SNTG1: variants seen among roughly 807,000 people sequenced by gnomAD.
SNTG1 encodes the protein gamma-1-syntrophin.
In SNTG1, 39 loss-of-function variants were observed where a neutral mutation model predicts 74.7. That is an observed-to-expected ratio of 0.52 (90% CI 0.40 to 0.68). SNTG1 has a LOEUF of 0.68. Among genes scored for constraint, SNTG1 ranks in the 30% least tolerant of loss-of-function variants. SNTG1 has a pLI of 0.00. For synonymous variants in SNTG1, 254 were observed against 217.1 expected (o/e 1.17, Z -1.49); for missense variants, 685 against 609.5 (o/e 1.12, Z -1.30).
intron 1 of SNTG1, among the ~76,000 whole-genome samples, chr8:49,944,881 G>T (rs114570909): frequency 9.9e-5 from 15 of 151,428 alleles, no homozygotes; most frequent in African/African-American, 3.6e-4. Context: ...TTCATCTCCC[G>T]GGCTCAAGCG....
chr8:50,577,340 A>G (rs926126706), intron 12 of SNTG1, among the ~76,000 whole-genome samples: 5 of 152,102 alleles, frequency 3.3e-5, no homozygotes, highest in African/African-American at 9.7e-5. Flanking sequence ...ATAATTGTAT[A>G]TAATCTTTTT....
chr8:50,763,074 C>T (rs906230264), intron 18 of SNTG1, among the ~76,000 whole-genome samples: 3 of 151,872 alleles, frequency 2.0e-5, no homozygotes, highest in Non-Finnish European at 4.4e-5. Flanking sequence ...CTTCAGGCTT[C>T]CCCACCTCAG....
chr8:49,939,617 T>G (rs1156906226), intron 1 of SNTG1, among the ~76,000 whole-genome samples: 1 of 152,220 alleles, frequency 6.6e-6, no homozygotes, highest in Non-Finnish European at 1.5e-5. Flanking sequence ...ATTTTGTATG[T>G]CAAATTCCTG....
At chr8:50,564,560 C>A (rs1173024876) in intron 12 of SNTG1, among the ~76,000 whole-genome samples, 2 of 152,008 alleles carry the variant, frequency 1.3e-5, no homozygotes, top group African/African-American at 4.8e-5. Context: ...GATGAAAGCC[C>A]CTCCCTCCCA....
chr8:50,553,294 A>G, intron 12 of SNTG1, 115 bp downstream of exon 12: 1 of 1,329,196 alleles, frequency 7.5e-7, no homozygotes, highest in Non-Finnish European at 1.0e-6. Flanking sequence ...TGAGACATTC[A>G]TGAAAGCTAT....
intron 3 of SNTG1, among the ~76,000 whole-genome samples, chr8:50,401,961 C>T (rs1036851830): frequency 1.9e-4 from 29 of 151,966 alleles, no homozygotes; most frequent in African/African-American, 6.0e-4. Context: ...TACCATAATC[C>T]TTACTCCCCA....
chr8:50,318,847 CT>C (rs2090416040), intron 2 of SNTG1, among the ~76,000 whole-genome samples: 1 of 152,062 alleles, frequency 6.6e-6, no homozygotes, highest in Admixed American at 6.5e-5. Flanking sequence ...ATATACCTCT[CT>C]TTTTGAGGAC....
At chr8:50,602,732 T>C (rs1563634834) in intron 13 of SNTG1, among the ~76,000 whole-genome samples, 1 of 152,106 alleles carries the variant, frequency 6.6e-6, no homozygotes, top group Non-Finnish European at 1.5e-5. Flanking sequence ...TCTGGGAAGG[T>C]CTTTATTTCT....
chr8:50,655,532 A>G (rs562210996), intron 13 of SNTG1, among the ~76,000 whole-genome samples: 35 of 152,356 alleles, frequency 2.3e-4, no homozygotes, highest in African/African-American at 7.7e-4. Flanking sequence ...TCTAACTTAT[A>G]TCAAGTTTGA....
intron 1 of SNTG1, among the ~76,000 whole-genome samples, chr8:49,919,294 T>C (rs1806319077): frequency 6.6e-6 from 1 of 152,164 alleles, no homozygotes; most frequent in Non-Finnish European, 1.5e-5. Context: ...GGATGGGCTT[T>C]ACAAAACCAC....
At chr8:50,420,042 G>A (rs575088385) in intron 4 of SNTG1, among the ~76,000 whole-genome samples, 4 of 152,128 alleles carry the variant, frequency 2.6e-5, no homozygotes, top group East Asian at 1.9e-4. Flanking sequence ...CCATGAAAAT[G>A]TGACAGAAGT....
At chr8:50,143,421 T>C (rs778455277) in intron 1 of SNTG1, among the ~76,000 whole-genome samples, 13 of 152,160 alleles carry the variant, frequency 8.5e-5, no homozygotes, top group African/African-American at 2.9e-4. Context: ...ATTTTAGCAG[T>C]GGAAGGGATG....
chr8:50,492,202 G>T (rs1469239778), intron 8 of SNTG1, among the ~76,000 whole-genome samples: 1 of 152,172 alleles, frequency 6.6e-6, no homozygotes, highest in Non-Finnish European at 1.5e-5. Context: ...ACATATGTGT[G>T]CATGTGTCTT....
At chr8:50,276,195 A>C (rs976666079) in intron 2 of SNTG1, among the ~76,000 whole-genome samples, 1 of 151,950 alleles carries the variant, frequency 6.6e-6, no homozygotes, top group African/African-American at 2.4e-5. Flanking sequence ...CTTGTTTGTT[A>C]ATTGGTAGAT....
intron 1 of SNTG1, among the ~76,000 whole-genome samples, chr8:50,065,019 C>T (rs1009178420): frequency 6.6e-6 from 1 of 151,998 alleles, no homozygotes; most frequent in African/African-American, 2.4e-5. Flanking sequence ...AGTGATTCCT[C>T]AGTAAATGTA....
At chr8:50,292,271 A>C (rs2089153255) in intron 2 of SNTG1, among the ~76,000 whole-genome samples, 1 of 152,076 alleles carries the variant, frequency 6.6e-6, no homozygotes, top group African/African-American at 2.4e-5. Flanking sequence ...TGTAGTTGAG[A>C]GCATAATCTA....
chr8:49,982,411 A>T (rs1812764089), intron 1 of SNTG1, among the ~76,000 whole-genome samples: 4 of 152,074 alleles, frequency 2.6e-5, no homozygotes, highest in Admixed American at 2.6e-4. Flanking sequence ...GGAAATACAA[A>T]AGAATTCTGA....
intron 2 of SNTG1, among the ~76,000 whole-genome samples, chr8:50,283,170 T>C (rs1402423765): frequency 1.3e-5 from 2 of 152,200 alleles, no homozygotes; most frequent in African/African-American, 2.4e-5. Context: ...ATTACAATCA[T>C]CCTCATCAGT....
In SNTG1 at chr8:50,286,772, T is replaced by C. The variant is rs186083248; in HGVS notation, c.-27-107440T>C. 12 of 152,332 alleles carry C rather than the reference T, an allele frequency of 7.9e-5. No homozygotes were observed. In the East Asian group the frequency reaches 2.1e-3, roughly 27 times the overall value. 9.4% of individuals were successfully genotyped at this position (152,332 alleles called of 1,614,324 possible). A position where few individuals can be genotyped will look rare whatever the true frequency, so the allele number is the denominator to read the frequency against. The stretch of plus-strand genomic sequence containing the variant: ...TATAAATTTTTGTTAAGTTCATAAT[T>C]GGTGAAGAAATACTGCGATGCAGGT... On this transcript the variant is annotated intron_variant, in intron 2 of 18. Transcript: ENST00000642720.
Sources: allele counts gnomAD v4.1 joint callset (sites outside exome capture counted in the v4.1 genomes callset), GRCh38; gene constraint gnomAD v4.1.1; transcripts MANE v1.5; gene names NCBI Gene and HGNC (gene_info 2026-07-23, HGNC 2026-07-21).